Variants in CRADD observed in about 807,000 individuals in gnomAD.
CRADD encodes the protein CARD and death domain containing adaptor protein, also known as death domain-containing protein CRADD.
Under a neutral mutation model 15.5 loss-of-function variants are expected in CRADD, and 9 were observed. That is an observed-to-expected ratio of 0.58 (90% CI 0.35 to 1.01). The LOEUF (loss-of-function observed/expected upper bound fraction) is 1.01. Among genes scored for constraint, CRADD ranks in the 50% least tolerant of loss-of-function variants. The probability of loss-of-function intolerance (pLI) is 0.02; values close to 1 mark genes in which losing one functional copy is unlikely to be tolerated. For synonymous variants in CRADD, 118 were observed against 107.6 expected, an observed-to-expected ratio of 1.10 and a Z score of -0.60; for missense variants, 227 against 250.3, an observed-to-expected ratio of 0.91 and a Z score of 0.63.
At chr12:93,846,276 A>G (rs1257236678) in intron 2 of CRADD, among the ~76,000 whole-genome samples, 5 of 152,138 alleles carry the variant, frequency 3.3e-5, no homozygotes, top group Non-Finnish European at 5.9e-5. Context: ...CCTGCATTCA[A>G]TTCTTTTGAG....
At chr12:93,679,870 G>C (rs1433329816) in intron 2 of CRADD, among the ~76,000 whole-genome samples, 1 of 152,202 alleles carries the variant, frequency 6.6e-6, no homozygotes, top group Admixed American at 6.5e-5. Context: ...CCTGTCCCCT[G>C]GGCTGTCCTG....
intron 2 of CRADD, among the ~76,000 whole-genome samples, chr12:93,699,643 C>A (rs1240687848): frequency 6.6e-6 from 1 of 152,216 alleles, no homozygotes; most frequent in Non-Finnish European, 1.5e-5. Flanking sequence ...CTCAAACGTT[C>A]TGATGAGTAA....
intron 2 of CRADD, among the ~76,000 whole-genome samples, chr12:93,843,997 C>T (rs1269588325): frequency 6.6e-6 from 1 of 152,206 alleles, no homozygotes; most frequent in Non-Finnish European, 1.5e-5. Flanking sequence ...GCTGGGATTA[C>T]AGACATGAGC....
intron 2 of CRADD, among the ~76,000 whole-genome samples, chr12:93,713,563 C>T (rs1290734796): frequency 6.6e-6 from 1 of 151,874 alleles, no homozygotes; most frequent in South Asian, 2.1e-4. Flanking sequence ...ATTTATAATA[C>T]CTAATACAAT....
chr12:93,870,571 G>A (rs115863469), intron 2 of CRADD, among the ~76,000 whole-genome samples: 147 of 152,248 alleles, frequency 9.7e-4, no homozygotes, highest in African/African-American at 3.4e-3. Flanking sequence ...ACCATGCACC[G>A]CCACCAGTAG....
At chr12:93,761,929 C>G (rs1486062288) in intron 2 of CRADD, among the ~76,000 whole-genome samples, 1 of 152,138 alleles carries the variant, frequency 6.6e-6, no homozygotes, top group African/African-American at 2.4e-5. Context: ...ACGGCAGATT[C>G]AGAAAATTGT....
At chr12:93,707,543 G>A (rs989954641) in intron 2 of CRADD, among the ~76,000 whole-genome samples, 1 of 152,156 alleles carries the variant, frequency 6.6e-6, no homozygotes, top group African/African-American at 2.4e-5. Flanking sequence ...CTTTCAGCAT[G>A]GGAGCTGGGT....
rs1219678265 is a variant in CRADD, at chr12:93,850,606, T to C, written c.*335T>C. 1.1e-6 allele frequency: 1 copy of C among 917,636 alleles called. No homozygotes were observed. The highest frequency in any genetic ancestry group is 1.8e-5 in the African/African-American group (1 of 55,944). 56.8% of individuals were successfully genotyped at this position (917,636 alleles called of 1,614,324 possible). On this transcript the variant is annotated 3_prime_UTR_variant, in exon 3 of 3. Coordinates refer to ENST00000332896, the MANE Select transcript of CRADD (RefSeq NM_003805.5). The surrounding 1 kb of genome is among the most constrained non-coding windows in gnomAD (Gnocchi z 4.0). ...CCATATATATATATATCCATATATA[T>C]ATCTCATGTCATCACATTACAGGCA...
intron 2 of CRADD, among the ~76,000 whole-genome samples, chr12:93,730,262 T>G (rs1411682913): frequency 2.6e-5 from 4 of 152,274 alleles, no homozygotes; most frequent in Non-Finnish European, 4.4e-5. Flanking sequence ...CTGAAATTCT[T>G]GCTCTTCAGT....
chr12:93,764,421 A>C (rs1265374221), intron 2 of CRADD, among the ~76,000 whole-genome samples: 1 of 152,146 alleles, frequency 6.6e-6, no homozygotes, highest in Admixed American at 6.6e-5. Context: ...GGGTAACTTC[A>C]ACATTTCTTG....
At chr12:93,883,112 C>A (rs151128743) in intron 2 of CRADD, among the ~76,000 whole-genome samples, 2 of 152,272 alleles carry the variant, frequency 1.3e-5, no homozygotes, top group African/African-American at 4.8e-5. Flanking sequence ...GGCATATGGA[C>A]AAAGGAGGGA....
At chr12:93,687,999 T>C (rs1955477906) in intron 2 of CRADD, among the ~76,000 whole-genome samples, 1 of 152,228 alleles carries the variant, frequency 6.6e-6, no homozygotes, top group Admixed American at 6.5e-5. Flanking sequence ...ATGCAGTACC[T>C]TGTGCTCTGT....
chr12:93,806,231 A>G (rs1399830318), intron 2 of CRADD, among the ~76,000 whole-genome samples: 3 of 151,940 alleles, frequency 2.0e-5, no homozygotes, highest in Non-Finnish European at 4.4e-5. Flanking sequence ...AGGTGGGCGG[A>G]TCAAAAGATC....
intron 2 of CRADD, among the ~76,000 whole-genome samples, chr12:93,787,305 G>GTTT (rs34146137): frequency 2.4e-5 from 3 of 124,740 alleles, no homozygotes; most frequent in Non-Finnish European, 4.8e-5. Flanking sequence ...GTATGACAGG[G>GTTT]TTTTTTTTTT....
chr12:93,763,469 G>C (rs775023337), intron 2 of CRADD, among the ~76,000 whole-genome samples: 7 of 151,102 alleles, frequency 4.6e-5, no homozygotes, highest in Admixed American at 6.6e-5. Flanking sequence ...TTTTTCATGT[G>C]GATAAACTGC....
rs376767968 is a variant in CRADD at position 93,886,769 on chromosome 12, C to T, written c.299-7281C>T. On this transcript the variant is annotated intron_variant, in intron 2 of 2. Transcript: ENST00000548483. Reference sequence around the variant, plus strand: ...TCGCAGCATGGGTGAGTGTGGCCATCGAGACTGTCTGGCAACTGCCCCTGC... The same window carrying T: ...TCGCAGCATGGGTGAGTGTGGCCATTGAGACTGTCTGGCAACTGCCCCTGC... Among the ~76,000 whole-genome samples, 22 of 152,206 alleles carry T rather than the reference C, an allele frequency of 1.4e-4. 2 individuals carry two copies. The highest frequency in any genetic ancestry group is 4.3e-4 in the African/African-American group (18 of 41,518).
rs576337175 is a variant in CRADD, at chr12:93,744,218, T to TAAC, written c.298+65147_298+65148insACA. The stretch of plus-strand genomic sequence containing the variant: ...AGCAGCAGGCCTGGACTTGTACCTG[T>TAAC]AGGCCTTCCAGGGGAGAATCCACTT... On this transcript the variant is annotated intron_variant, in intron 2 of 2. Transcript: ENST00000332896. Among the ~76,000 whole-genome samples, 30 of 152,318 alleles carry TAAC rather than the reference T, an allele frequency of 2.0e-4. No homozygotes were observed. The East Asian group carries it at 5.8e-3, about 29-fold the overall frequency.
Position 93,834,971 on chromosome 12 carries a change from C to T in CRADD, c.299-14999C>T, listed in dbSNP as rs141950221. Among the ~76,000 whole-genome samples the T allele has an allele frequency of 4.8e-3, 727 of 152,286 alleles. 3 individuals carry two copies. The highest frequency in any genetic ancestry group is 7.8e-3 in the Non-Finnish European group (529 of 68,018). ...TGCACATGGTGATGTGAAAAACAGA[C>T]AGACTTTTAATGGTTTTGTTACTAA... On this transcript the variant is annotated intron_variant, in intron 2 of 2. Coordinates refer to ENST00000332896, the MANE Select transcript of CRADD (RefSeq NM_003805.5).
chr12:93,797,849 T>C (rs1342957628), intron 2 of CRADD, among the ~76,000 whole-genome samples: 1 of 152,156 alleles, frequency 6.6e-6, no homozygotes, highest in Non-Finnish European at 1.5e-5. Context: ...GGCAGGCAAG[T>C]ATGGCGTAGA....
Sources: allele counts gnomAD v4.1 joint callset (sites outside exome capture counted in the v4.1 genomes callset), GRCh38; gene constraint gnomAD v4.1.1; non-coding constraint Gnocchi (gnomAD v3.1); transcripts MANE v1.5; gene names NCBI Gene and HGNC (gene_info 2026-07-23, HGNC 2026-07-21).